AGPAT3: variants seen among roughly 807,000 people sequenced by gnomAD.
AGPAT3 encodes 1-acyl-sn-glycerol-3-phosphate acyltransferase gamma.
In AGPAT3, 5 loss-of-function variants were observed where a neutral mutation model predicts 47.3. That is an observed-to-expected ratio of 0.11 (90% confidence interval 0.06 to 0.22). The LOEUF (loss-of-function observed/expected upper bound fraction) is 0.22. Ranked by LOEUF, AGPAT3 falls within the 10% of genes least tolerant of loss-of-function variation. The pLI is 1.00. For missense variants in AGPAT3, 315 were observed against 493.0 expected (o/e 0.64, Z 3.42); for synonymous variants, 212 against 208.3 (o/e 1.02, Z -0.15).
intron 1 of AGPAT3, among the ~76,000 whole-genome samples, chr21:43,886,582 T>A (rs75522010): frequency 0.045 from 6,824 of 152,246 alleles, 446 homozygotes; most frequent in African/African-American, 0.14. Context: ...TCTTTCTAAC[T>A]AATTTTTATA....
rs2030103072 is a variant in AGPAT3, at chr21:43,984,911, A to G, written c.*2519A>G. 3 of 353,776 alleles carry G rather than the reference A, an allele frequency of 8.5e-6. No homozygotes were observed. Among genetic ancestry groups the G allele is most frequent in the South Asian group, 2.1e-5 (1 of 48,146 alleles). 21.9% of individuals were successfully genotyped at this position (353,776 alleles called of 1,614,324 possible). A position where few individuals can be genotyped will look rare whatever the true frequency, so the allele number is the denominator to read the frequency against. On this transcript the variant is annotated 3_prime_UTR_variant, in exon 10 of 10. Coordinates refer to ENST00000291572, the MANE Select transcript of AGPAT3 (RefSeq NM_020132.5). ...CTGTAGCCCACAGTCCGTGCTGGCC[A>G]CTGTCGGGGTGAGGCACATTCTAGG...
At chr21:43,943,628 G>A (rs2087746906) in intron 2 of AGPAT3, among the ~76,000 whole-genome samples, 1 of 152,196 alleles carries the variant, frequency 6.6e-6, no homozygotes, top group Non-Finnish European at 1.5e-5. Flanking sequence ...CTGAGAGTCT[G>A]CCGGGGCACC....
At chr21:43,945,255 A>C (rs1248536739) in intron 2 of AGPAT3, among the ~76,000 whole-genome samples, 3 of 152,130 alleles carry the variant, frequency 2.0e-5, no homozygotes, top group African/African-American at 7.2e-5. Context: ...CCGGGGTCGC[A>C]CCTTGGCTAC....
At chr21:43,906,819 G>A (rs924761888) in intron 2 of AGPAT3, among the ~76,000 whole-genome samples, 2 of 152,188 alleles carry the variant, frequency 1.3e-5, no homozygotes, top group Admixed American at 6.5e-5. Context: ...AATGAGCTGC[G>A]TGGAGACACC....
intron 2 of AGPAT3, among the ~76,000 whole-genome samples, chr21:43,907,500 G>A (rs1283501330): frequency 2.6e-5 from 4 of 152,260 alleles, no homozygotes; most frequent in East Asian, 1.9e-4. Flanking sequence ...GGCGGATCAC[G>A]AGGTCAGGAG....
At chr21:43,894,906 C>T (rs769616451) in intron 1 of AGPAT3, among the ~76,000 whole-genome samples, 8 of 152,144 alleles carry the variant, frequency 5.3e-5, no homozygotes, top group Non-Finnish European at 1.0e-4. Flanking sequence ...CACCTCCTCT[C>T]TTTTTATCAT....
At chr21:43,897,274 G>C (rs1410491750) in intron 1 of AGPAT3, among the ~76,000 whole-genome samples, 1 of 152,012 alleles carries the variant, frequency 6.6e-6, no homozygotes, top group African/African-American at 2.4e-5. Context: ...GGGGTTGGGG[G>C]TAAGGTTATA....
intron 1 of AGPAT3, among the ~76,000 whole-genome samples, chr21:43,883,833 A>G (rs138580671): frequency 0.017 from 2,659 of 152,284 alleles, 36 homozygotes; most frequent in Non-Finnish European, 0.023. Context: ...ACCTCAGGCA[A>G]TCCACCTGCC....
At chr21:43,904,534 G>A (rs1045684031) in intron 2 of AGPAT3, among the ~76,000 whole-genome samples, 1 of 152,068 alleles carries the variant, frequency 6.6e-6, no homozygotes, top group Admixed American at 6.5e-5. Flanking sequence ...CTGGGGGGTC[G>A]GTGCCCTGCT....
At position 43,932,137 on chromosome 21, in the gene AGPAT3, C is replaced by T; in HGVS notation, c.-48-27497C>T. On this transcript the variant is annotated intron_variant, in intron 2 of 9. Coordinates refer to ENST00000291572, the MANE Select transcript of AGPAT3 (RefSeq NM_020132.5). The surrounding 1 kb of genome is among the most constrained non-coding windows in gnomAD (Gnocchi z 5.2). Reference sequence around the variant, plus strand: ...GTGGTGTGGATGTTAAAAATCTATTCTTTCCCTGATTTTGAAACATGATAC... The same window carrying T: ...GTGGTGTGGATGTTAAAAATCTATTTTTTCCCTGATTTTGAAACATGATAC... Among the ~76,000 whole-genome samples, 1 of 152,172 alleles carries T rather than the reference C, an allele frequency of 6.6e-6. No individual in the cohort carries two copies.
In AGPAT3 at chr21:43,907,868, C is replaced by T. The variant is rs111258486; in HGVS notation, c.-49+3849C>T. Among the ~76,000 whole-genome samples, 102 of 152,300 alleles carry T rather than the reference C, an allele frequency of 6.7e-4. 1 individual carries two copies. Among genetic ancestry groups the T allele is most frequent in the African/African-American group, 2.3e-3 (97 of 41,560 alleles). The stretch of plus-strand genomic sequence containing the variant: ...AACCAAACCCCCAAACCCAGCAGAC[C>T]GATACCATGTTAAAGCCACACGTTT... On this transcript the variant is annotated intron_variant, in intron 2 of 9. Transcript: ENST00000291572.
chr21:43,888,921 G>A (rs1333827005), intron 1 of AGPAT3, among the ~76,000 whole-genome samples: 3 of 152,112 alleles, frequency 2.0e-5, no homozygotes, highest in South Asian at 2.1e-4. Flanking sequence ...CCCGGAAGGC[G>A]GAGGTTGCAG....
rs1409222381 is a variant in AGPAT3, at chr21:43,908,078, G to A, written c.-49+4059G>A. On this transcript the variant is annotated intron_variant, in intron 2 of 9. Coordinates refer to ENST00000291572, the MANE Select transcript of AGPAT3 (RefSeq NM_020132.5). The surrounding 1 kb of genome is among the most constrained non-coding windows in gnomAD (Gnocchi z 4.9). Reference sequence around the variant, plus strand: ...CACCCCAGGGACGCTTTCTCTTTCCGTGTGCTGGAAGACCTGAATGCTTCA... The same window carrying A: ...CACCCCAGGGACGCTTTCTCTTTCCATGTGCTGGAAGACCTGAATGCTTCA... Among the ~76,000 whole-genome samples, 4 of 152,342 alleles carry A rather than the reference G, an allele frequency of 2.6e-5. No individual in the cohort carries two copies. Among genetic ancestry groups the A allele is most frequent in the Admixed American group, 6.5e-5 (1 of 15,306 alleles).
At chr21:43,940,685 T>G (rs1201939397) in intron 2 of AGPAT3, among the ~76,000 whole-genome samples, 1 of 152,238 alleles carries the variant, frequency 6.6e-6, no homozygotes, top group African/African-American at 2.4e-5. Flanking sequence ...CCAAGGCAGG[T>G]GCTGTAGGAT....
chr21:43,974,375 TGTG>T (rs1401748375), intron 7 of AGPAT3, among the ~76,000 whole-genome samples: 1 of 151,132 alleles, frequency 6.6e-6, no homozygotes, highest in African/African-American at 2.4e-5. Context: ...GTGTGTGTGA[TGTG>T]TGTGTGGTGT....
intron 1 of AGPAT3, among the ~76,000 whole-genome samples, chr21:43,887,007 G>A (rs976727673): frequency 5.3e-5 from 8 of 152,178 alleles, no homozygotes; most frequent in Non-Finnish European, 1.5e-5. Flanking sequence ...TTAGTTTTCT[G>A]AGGAACCTCC....
rs1461781749 is a variant in AGPAT3, at chr21:43,922,211, A to T, written c.-49+18192A>T. Among the ~76,000 whole-genome samples the T allele has an allele frequency of 1.3e-5, 2 of 151,970 alleles. No individual in the cohort carries two copies. Among genetic ancestry groups the T allele is most frequent in the East Asian group, 3.9e-4 (2 of 5,168 alleles). On this transcript the variant is annotated intron_variant, in intron 2 of 9. Coordinates refer to ENST00000291572, the MANE Select transcript of AGPAT3 (RefSeq NM_020132.5). This position sits in a 1 kb window ranked among gnomAD's most constrained non-coding sequence, Gnocchi z 4.9. ...GTCGCACAGAGCACGTGTGTGATGC[A>T]TTTATCAGGGCCTTTCTCAGCCTGG...
chr21:43,958,259 T>C (rs1410014490), intron 2 of AGPAT3, among the ~76,000 whole-genome samples: 2 of 151,858 alleles, frequency 1.3e-5, no homozygotes, highest in Non-Finnish European at 2.9e-5. Context: ...TGTGGCATGT[T>C]TATGTGTATA....
At chr21:43,866,562 A>G (rs1288474685) in intron 1 of AGPAT3, 2 of 152,038 alleles carry the variant, frequency 1.3e-5, no homozygotes, top group African/African-American at 2.4e-5. Context: ...TGATTTGGCC[A>G]CTTCTTTGCC....
Sources: allele counts gnomAD v4.1 joint callset (sites outside exome capture counted in the v4.1 genomes callset), GRCh38; gene constraint gnomAD v4.1.1; non-coding constraint Gnocchi (gnomAD v3.1); transcripts MANE v1.5; gene names NCBI Gene and HGNC (gene_info 2026-07-23, HGNC 2026-07-21).